The following LRFN5 variants were observed in gnomAD, a reference collection of about 807,000 sequenced individuals.
LRFN5 encodes leucine-rich repeat and fibronectin type-III domain-containing protein 5.
Under a neutral mutation model 45.6 loss-of-function variants are expected in LRFN5, and 24 were observed. The ratio of observed to expected loss-of-function variants is 0.53; its 90% confidence interval spans 0.38 to 0.74. LRFN5 has a LOEUF of 0.74. Ranked by LOEUF, LRFN5 falls within the 30% of genes least tolerant of loss-of-function variation. LRFN5 has a pLI of 0.00. For synonymous variants in LRFN5, 340 were observed against 313.8 expected (o/e 1.08, Z -0.88); for missense variants, 776 against 861.5 (o/e 0.90, Z 1.24).
intron 2 of LRFN5, among the ~76,000 whole-genome samples, chr14:41,833,417 C>T (rs1888552152): frequency 6.6e-6 from 1 of 152,126 alleles, no homozygotes; most frequent in Non-Finnish European, 1.5e-5. Flanking sequence ...TACCAATTTT[C>T]CAATTATATT....
intron 2 of LRFN5, among the ~76,000 whole-genome samples, chr14:41,856,689 T>A (rs1387936578): frequency 5.2e-5 from 5 of 95,582 alleles, no homozygotes; most frequent in East Asian, 2.7e-4. Flanking sequence ...TTTTTTTTTT[T>A]TTTTTGAGAC....
intron 1 of LRFN5, among the ~76,000 whole-genome samples, chr14:41,719,880 G>A (rs1883643280): frequency 6.6e-6 from 1 of 151,792 alleles, no homozygotes; most frequent in Non-Finnish European, 1.5e-5. Context: ...TAGGTGTTTA[G>A]AGCTATAAAC....
At chr14:41,680,527 A>G (rs1881838977) in intron 1 of LRFN5, among the ~76,000 whole-genome samples, 3 of 152,136 alleles carry the variant, frequency 2.0e-5, no homozygotes, top group Admixed American at 2.0e-4. Context: ...TGGTCCCTCT[A>G]TGAGTTTTTA....
chr14:41,840,884 G>T (rs1481635785), intron 2 of LRFN5, among the ~76,000 whole-genome samples: 1 of 151,780 alleles, frequency 6.6e-6, no homozygotes, highest in East Asian at 1.9e-4. Flanking sequence ...TATGGATTTG[G>T]ATTCAAATAT....
In LRFN5 at chr14:41,630,753, C is replaced by T. The variant is rs139049753; in HGVS notation, c.-197+22191C>T. Among the ~76,000 whole-genome samples the T allele has an allele frequency of 1.1e-4, 16 of 152,190 alleles. No individual in the cohort carries two copies. In the East Asian group the frequency reaches 2.5e-3, roughly 24 times the overall value. ...TAAATTTATCTGCTCGAGTTTTCAT[C>T]GGTCACTTGTAAAGTCTTTTATATA... is the stretch of plus-strand genomic sequence containing the variant. On this transcript the variant is annotated intron_variant, in intron 1 of 5. Transcript: ENST00000298119.
chr14:41,673,780 C>G (rs1164269825), intron 1 of LRFN5, among the ~76,000 whole-genome samples: 59 of 142,434 alleles, frequency 4.1e-4, no homozygotes, highest in African/African-American at 1.5e-3. Context: ...CCGGACGGGG[C>G]GGCTGGCCGG....
At chr14:41,747,192 T>G (rs1884955701) in intron 1 of LRFN5, among the ~76,000 whole-genome samples, 1 of 151,980 alleles carries the variant, frequency 6.6e-6, no homozygotes, top group African/African-American at 2.4e-5. Flanking sequence ...TTAAAAATTC[T>G]AAAACACATA....
chr14:41,626,103 A>G (rs1301653490), intron 1 of LRFN5, among the ~76,000 whole-genome samples: 1 of 152,134 alleles, frequency 6.6e-6, no homozygotes, highest in East Asian at 1.9e-4. Context: ...GTCAAATGAT[A>G]TTCAACTTTA....
At chr14:41,631,265 T>C (rs1036015347) in intron 1 of LRFN5, among the ~76,000 whole-genome samples, 1 of 152,170 alleles carries the variant, frequency 6.6e-6, no homozygotes, top group African/African-American at 2.4e-5. Context: ...TTTTTTCCAC[T>C]CTGTGTATTT....
chr14:41,786,203 C>G (rs982997688), intron 2 of LRFN5, among the ~76,000 whole-genome samples: 1 of 151,922 alleles, frequency 6.6e-6, no homozygotes, highest in African/African-American at 2.4e-5. Flanking sequence ...AGACAATGGG[C>G]AAAATAATAC....
chr14:41,804,310 G>A (rs1428680550), intron 2 of LRFN5, among the ~76,000 whole-genome samples: 1 of 152,018 alleles, frequency 6.6e-6, no homozygotes, highest in Non-Finnish European at 1.5e-5. Flanking sequence ...TGGTCCTAGT[G>A]TACCAAGTTC....
intron 4 of LRFN5, chr14:41,894,810 C>G: frequency 1.0e-6 from 1 of 981,368 alleles, no homozygotes; most frequent in Admixed American, 6.2e-5. Context: ...GATTTGTTAT[C>G]TAAATATTAT....
At position 41,891,406 on chromosome 14, in the gene LRFN5, T is replaced by C. The variant is rs1566508902; in HGVS notation, c.1542T>C (p.Tyr514=). The C allele has an allele frequency of 6.2e-7, 1 of 1,614,176 alleles. No individual in the cohort carries two copies. The highest frequency in any genetic ancestry group is 8.5e-7 in the Non-Finnish European group (1 of 1,180,032). Residue 514 remains tyrosine, a synonymous_variant, in exon 4 of 6, where the codon TAT becomes TAC. Coordinates refer to ENST00000298119, the MANE Select transcript of LRFN5 (RefSeq NM_152447.5). ...GCIQFTTEQD[Y]VRCHFMQSQF... is the part of the protein sequence containing the mutation. The stretch of plus-strand genomic sequence containing the variant: ...TCCAGTTTACTACGGAACAGGATTA[T>C]GTGCGTTGCCATTTCATGCAGTCTC...
At chr14:41,862,615 A>G (rs2139100544) in intron 2 of LRFN5, among the ~76,000 whole-genome samples, 1 of 152,312 alleles carries the variant, frequency 6.6e-6, no homozygotes, top group African/African-American at 2.4e-5. Flanking sequence ...CACATACAAC[A>G]TTAAGTAGAA....
chr14:41,846,605 T>A (rs1409117517), intron 2 of LRFN5, among the ~76,000 whole-genome samples: 1 of 152,162 alleles, frequency 6.6e-6, no homozygotes, highest in Non-Finnish European at 1.5e-5. Context: ...TATAACTATG[T>A]TTATGTGGAA....
intron 2 of LRFN5, among the ~76,000 whole-genome samples, chr14:41,808,408 A>AAGGAAGG (rs1566456458): frequency 4.9e-5 from 1 of 20,610 alleles, no homozygotes; most frequent in African/African-American, 1.8e-4. Flanking sequence ...AGAAAGGAAG[A>AAGGAAGG]AAGGAAGGAA....
intron 1 of LRFN5, among the ~76,000 whole-genome samples, chr14:41,755,760 T>C (rs1013164399): frequency 6.6e-6 from 1 of 152,226 alleles, no homozygotes; most frequent in African/African-American, 2.4e-5. Context: ...ATTTATCCCA[T>C]TTACCTTTAA....
intron 1 of LRFN5, among the ~76,000 whole-genome samples, chr14:41,643,143 A>T (rs1194252648): frequency 6.6e-6 from 1 of 152,202 alleles, no homozygotes; most frequent in African/African-American, 2.4e-5. Flanking sequence ...TATTTTGTTG[A>T]TAAGCTAATT....
intron 2 of LRFN5, among the ~76,000 whole-genome samples, chr14:41,835,136 G>A (rs1041150260): frequency 6.6e-6 from 1 of 151,972 alleles, no homozygotes; most frequent in South Asian, 2.1e-4. Flanking sequence ...ACAAAGTGAG[G>A]TGTAAATTTA....
Sources: gnomAD v4.1 joint callset for allele counts (sites outside exome capture counted in the v4.1 genomes callset) on GRCh38, gnomAD v4.1.1 for gene constraint, MANE v1.5 for transcripts, NCBI Gene and HGNC (gene_info 2026-07-23, HGNC 2026-07-21) for gene names.